DHPS: variants seen among roughly 807,000 people sequenced by gnomAD.
The protein encoded by DHPS is deoxyhypusine synthase.
Under a neutral mutation model 38.7 loss-of-function variants are expected in DHPS, and 24 were observed. That is an observed-to-expected ratio of 0.62 (90% CI 0.45 to 0.87). DHPS has a LOEUF of 0.87. Among genes scored for constraint, DHPS ranks in the 40% least tolerant of loss-of-function variants. The pLI is 0.00. For synonymous variants in DHPS, 250 were observed against 204.4 expected (o/e 1.22, Z -1.90); for missense variants, 510 against 497.6 (o/e 1.02, Z -0.24).
chr19:12,673,407 GATC>G, downstream of DHPS: 29 of 415,098 alleles, frequency 7.0e-5, no homozygotes, highest in East Asian at 1.1e-4. Flanking sequence ...TGAAGGCTAG[GATC>G]TTTTTTTTTT....
intron 7 of DHPS, 136 bp downstream of exon 7, chr19:12,676,972 T>C (rs1421541968): frequency 2.7e-6 from 2 of 747,000 alleles, no homozygotes; most frequent in Non-Finnish European, 4.5e-6. Context: ...ACTTGTTTGC[T>C]ATCTCCCCTA....
rs1354274359 is a variant in DHPS at position 12,681,570 on chromosome 19, A to G, written c.197T>C (p.Val66Ala). ...CCGCCCGGTCCTCACCATGGCATTG[A>G]CTTGCTGTACAGCGCGCCCGAAGTT... ...ATNFGRAVQQ[V>A]NAMIEKKLEP... Residue 66 changes from valine (V) to alanine (A), a missense_variant, in exon 1 of 9, where the codon GTC (valine) becomes GCC (alanine). Val to Ala is a moderately conservative substitution (Grantham distance 64). Coordinates refer to ENST00000210060, the MANE Select transcript of DHPS (RefSeq NM_001930.4). 6.2e-7 allele frequency: 1 copy of G among 1,614,202 alleles called. No homozygotes were observed. Among genetic ancestry groups the G allele is most frequent in the Non-Finnish European group, 8.5e-7 (1 of 1,180,036 alleles).
At position 12,679,939 on chromosome 19, in the gene DHPS, G is replaced by C. The variant is rs1471700268; in HGVS notation, c.373-17C>G. The C allele has an allele frequency of 1.2e-6, 2 of 1,606,468 alleles. No individual in the cohort carries two copies. The highest frequency in any genetic ancestry group is 2.2e-5 in the East Asian group (1 of 44,838). On this transcript the variant is annotated splice_polypyrimidine_tract_variant and intron_variant, in intron 2 of 8. Transcript: ENST00000210060. Reference sequence around the variant, plus strand: ...TACGTCCACCTGCAGCCACAAGGCAGTGAATTTGGCCCAAGAAGGAAGCCC... The same window carrying C: ...TACGTCCACCTGCAGCCACAAGGCACTGAATTTGGCCCAAGAAGGAAGCCC...
chr19:12,680,833 CTT>C (rs775520052), intron 1 of DHPS, among the ~76,000 whole-genome samples: 2,596 of 119,500 alleles, frequency 0.022, 106 homozygotes, highest in African/African-American at 0.098. Flanking sequence ...CGTGCCCGGC[CTT>C]TTTTTTTTTT....
intron 1 of DHPS, 70 bp downstream of exon 1, chr19:12,681,490 C>G (rs1189582147): frequency 1.3e-6 from 2 of 1,549,118 alleles, no homozygotes; most frequent in African/African-American, 1.4e-5. Flanking sequence ...AACGCTGCCC[C>G]CGTCTAGTAC....
chr19:12,676,081 G>A lies in DHPS; in HGVS notation c.950C>T (p.Ser317Leu). The A allele has an allele frequency of 6.2e-7, 1 of 1,613,984 alleles. No individual in the cohort carries two copies. Among genetic ancestry groups the A allele is most frequent in the Non-Finnish European group, 8.5e-7 (1 of 1,179,966 alleles). Reference sequence around the variant, plus strand: ...GACAGCCTCGTCTGGTCGGGCACCTGAGTCAGAGCCATCAAACTCCTGGGC... The same window carrying A: ...GACAGCCTCGTCTGGTCGGGCACCTAAGTCAGAGCCATCAAACTCCTGGGC... ...NTAQEFDGSD[S>L]GARPDEAVSW... The change falls in exon 8 of 9, where the codon TCA (serine) becomes TTA (leucine). Residue 317 changes from serine (S) to leucine (L), a missense_variant. Coordinates refer to ENST00000210060, the MANE Select transcript of DHPS (RefSeq NM_001930.4).
chr19:12,679,858 G>A lies in DHPS; in HGVS notation c.437C>T (p.Thr146Ile). The change falls in exon 3 of 9, where the codon ACA (threonine) becomes ATA (isoleucine). Residue 146 changes from threonine (T) to isoleucine (I), a missense_variant. Thr to Ile is a moderately conservative substitution (Grantham distance 89). Coordinates refer to ENST00000210060, the MANE Select transcript of DHPS (RefSeq NM_001930.4). ...EEDLIKCLAP[T>I]YLGEFSLRGK... ...CCTGAGGCTAAACTCGCCCAAGTAT[G>A]TGGGCGCCAGGCACTTGATGAGGTC... is the stretch of plus-strand genomic sequence containing the variant. 1 of 1,614,168 alleles carries A rather than the reference G, an allele frequency of 6.2e-7. No homozygotes were observed. Among genetic ancestry groups the A allele is most frequent in the South Asian group, 1.1e-5 (1 of 91,080 alleles).
rs772584061 is a variant in DHPS, at chr19:12,676,140, C to G, written c.891G>C (p.Arg297=). The stretch of plus-strand genomic sequence containing the variant: ...TGTAAACAGCGTAGTCGGCCCCGTT[C>G]CGCTGTGGGGAGGCGGGGGCACGGT... ...KHHIANANLM[R]NGADYAVYIN... The change falls in exon 8 of 9, where the codon CGG becomes CGC. Residue 297 remains arginine (R), a splice_region_variant and synonymous_variant. Transcript: ENST00000210060. 1.9e-6 allele frequency: 3 copies of G among 1,608,730 alleles called. No homozygotes were observed. Among genetic ancestry groups the G allele is most frequent in the Non-Finnish European group, 2.5e-6 (3 of 1,178,068 alleles).
Position 12,677,223 on chromosome 19 carries a change from G to A in DHPS, c.785-12C>T, listed in dbSNP as rs565337083. 2.0e-5 allele frequency: 32 copies of A among 1,614,198 alleles called. No homozygotes were observed. In the South Asian group the frequency reaches 3.3e-4, roughly 17 times the overall value. On this transcript the variant is annotated splice_polypyrimidine_tract_variant and intron_variant, in intron 6 of 8. Transcript: ENST00000210060. ...GATGAGCCTCAGGTCTGGGGGAAGAGCGCCGAAGTCAGGCCTTGGACTCAG... is the reference window on the plus strand; with the variant it reads ...GATGAGCCTCAGGTCTGGGGGAAGAACGCCGAAGTCAGGCCTTGGACTCAG...
chr19:12,680,642 TC>T (rs975167803), intron 1 of DHPS, among the ~76,000 whole-genome samples: 96 of 151,360 alleles, frequency 6.3e-4, no homozygotes, highest in African/African-American at 2.3e-3. Context: ...CAAGCGATTC[TC>T]CTGCCTCAGC....
In DHPS at chr19:12,675,717, T is replaced by C. The variant is rs775737102; in HGVS notation, c.*121A>G. ...AGGACCAAGGACCGAGACACAGACATGGAAGGACTTCAGATACCATCTTAT... is the reference window on the plus strand; with the variant it reads ...AGGACCAAGGACCGAGACACAGACACGGAAGGACTTCAGATACCATCTTAT... On this transcript the variant is annotated 3_prime_UTR_variant, in exon 9 of 9. Transcript: ENST00000210060. 11 of 1,592,428 alleles carry C rather than the reference T, an allele frequency of 6.9e-6. No homozygotes were observed. The highest frequency in any genetic ancestry group is 1.7e-5 in the Admixed American group (1 of 57,784).
At chr19:12,681,486 G>A (rs954546420) in intron 1 of DHPS, 74 bp downstream of exon 1, 14 of 1,536,552 alleles carry the variant, frequency 9.1e-6, no homozygotes, top group Middle Eastern at 1.7e-4. Flanking sequence ...TGGAAACGCT[G>A]CCCCCGTCTA....
At chr19:12,672,792 C>T, downstream of DHPS, 1 of 1,535,634 alleles carries the variant, frequency 6.5e-7, no homozygotes, top group Admixed American at 2.0e-5. Context: ...CACAGGGCTG[C>T]CTGGAGCCAT....
chr19:12,679,763 G>A (rs1211081012), intron 3 of DHPS, 38 bp downstream of exon 3: 1 of 1,614,104 alleles, frequency 6.2e-7, no homozygotes, highest in South Asian at 1.1e-5. Context: ...AGGACCCTTG[G>A]TCCAGCTCCC....
Position 12,677,158 on chromosome 19 carries a change from T to C in DHPS, c.838A>G (p.Ile280Val), listed in dbSNP as rs978898685. Residue 280 changes from isoleucine (I) to valine (V), a missense_variant, in exon 7 of 9, where the codon ATT (isoleucine) becomes GTT (valine). Physicochemically the swap from Ile to Val is conservative, Grantham distance 29. Transcript: ENST00000210060. ...AIFAKCTGMI[I>V]LGGGVVKHHI... ...TGCTTGACCACGCCCCCGCCCAGAA[T>C]GATCATCCCAGTGCACTTGGCAAAG... 33 of 1,614,114 alleles carry C rather than the reference T, an allele frequency of 2.0e-5. No individual in the cohort carries two copies. Among genetic ancestry groups the C allele is most frequent in the Non-Finnish European group, 2.8e-5 (33 of 1,180,048 alleles).
At chr19:12,678,020 AGGCG>A (rs1458148737) in intron 5 of DHPS, among the ~76,000 whole-genome samples, 2 of 150,516 alleles carry the variant, frequency 1.3e-5, no homozygotes, top group Non-Finnish European at 3.0e-5. Context: ...TGGGAGGCCG[AGGCG>A]GGTGGATCAC....
At chr19:12,681,503 C>T (rs1332651445) in intron 1 of DHPS, 57 bp downstream of exon 1, 7 of 1,592,086 alleles carry the variant, frequency 4.4e-6, no homozygotes, top group South Asian at 1.1e-5. Context: ...TCTAGTACCG[C>T]GTTGGTTCTA....
Position 12,680,169 on chromosome 19 carries a change from G to A in DHPS, c.364C>T (p.His122Tyr). ...CCTCACCAGGTCCCCACCATGTTGTGCTGCACAAGGTAGCGAATGGTCTCA... is the reference window on the plus strand; with the variant it reads ...CCTCACCAGGTCCCCACCATGTTGTACTGCACAAGGTAGCGAATGGTCTCA... ...IRETIRYLVQHNMVDVLVTTA... is the reference protein window; with the variant it reads ...IRETIRYLVQYNMVDVLVTTA... The change falls in exon 2 of 9, where the codon CAC (histidine) becomes TAC (tyrosine). Residue 122 changes from histidine (H) to tyrosine (Y), a missense_variant. Transcript: ENST00000210060. 1 of 1,614,186 alleles carries A rather than the reference G, an allele frequency of 6.2e-7. No individual in the cohort carries two copies. The highest frequency in any genetic ancestry group is 8.5e-7 in the Non-Finnish European group (1 of 1,180,022).
downstream of DHPS, chr19:12,672,524 C>T (rs1217032726): frequency 2.3e-5 from 8 of 350,690 alleles, no homozygotes; most frequent in Non-Finnish European, 3.3e-5. Flanking sequence ...AGGAGAATCT[C>T]TTGAACCCGG....
Sources: allele counts gnomAD v4.1 joint callset (sites outside exome capture counted in the v4.1 genomes callset), GRCh38; gene constraint gnomAD v4.1.1; transcripts MANE v1.5; gene names NCBI Gene and HGNC (gene_info 2026-07-23, HGNC 2026-07-21).